COX10: variants seen among roughly 807,000 people sequenced by gnomAD.
The protein encoded by COX10 is cytochrome c oxidase assembly factor heme A:farnesyltransferase COX10, also known as protoheme IX farnesyltransferase, mitochondrial.
A neutral mutation model predicts 37.3 loss-of-function variants in COX10; 27 were observed. The observed-to-expected ratio is 0.72, with a 90% CI of 0.53 to 1.00. The LOEUF (loss-of-function observed/expected upper bound fraction) is 1.00. COX10 is among the 50% of genes least tolerant of loss of function. The pLI, the probability that COX10 is intolerant of heterozygous loss-of-function variation, is 0.00. For synonymous variants in COX10, 222 were observed against 229.1 expected (o/e 0.97, Z 0.28); for missense variants, 475 against 563.2 (o/e 0.84, Z 1.59).
intron 6 of COX10, among the ~76,000 whole-genome samples, chr17:14,198,137 C>T (rs1906423034): frequency 6.6e-6 from 1 of 152,180 alleles, no homozygotes. Context: ...TGGTTTGATT[C>T]TGCACACAGG....
rs183446962 is a variant in COX10 at position 14,085,258 on chromosome 17, C to T, written c.499+8202C>T. Among the ~76,000 whole-genome samples, 9 of 152,246 alleles carry T rather than the reference C, an allele frequency of 5.9e-5. No homozygotes were observed. In the East Asian group the frequency reaches 1.2e-3, roughly 20 times the overall value. On this transcript the variant is annotated intron_variant, in intron 3 of 6. Transcript: ENST00000261643. ...GTTCAAGAAAGGTTAGTTATTATTA[C>T]GTTAGTGCATAGATAGTTTCTATTT...
chr17:14,116,630 T>G (rs1452306180), intron 4 of COX10, among the ~76,000 whole-genome samples: 1 of 146,672 alleles, frequency 6.8e-6, no homozygotes, highest in African/African-American at 2.4e-5. Flanking sequence ...CATCAGGAAA[T>G]TATGCTGATT....
At chr17:14,157,581 G>A (rs1597526744) in intron 4 of COX10, among the ~76,000 whole-genome samples, 1 of 152,194 alleles carries the variant, frequency 6.6e-6, no homozygotes, top group Admixed American at 6.5e-5. Context: ...AGTGGAATAT[G>A]CTGCAGTCGA....
intron 4 of COX10, among the ~76,000 whole-genome samples, chr17:14,106,583 G>A (rs548137619): frequency 2.0e-5 from 3 of 152,284 alleles, no homozygotes; most frequent in Admixed American, 1.3e-4. Flanking sequence ...TGTCTTCCCA[G>A]TCTTTTGTTT....
rs778139579 is a variant in COX10 at position 14,207,043 on chromosome 17, A to T, written c.1162A>T (p.Ile388Phe). The change falls in exon 7 of 7, where the codon ATC becomes TTC. Residue 388 changes from isoleucine (I) to phenylalanine (F), a missense_variant. Physicochemically the swap from Ile to Phe is conservative, Grantham distance 21 (BLOSUM62 0). Transcript: ENST00000261643. Reference protein sequence around the residue: ...TWTFPIMALPINAYISYLGFR... With the variant: ...TWTFPIMALPFNAYISYLGFR... ...GACCTTCCCCATCATGGCCCTTCCC[A>T]TCAATGCGTACATCTCCTACCTCGG... The T allele has an allele frequency of 6.2e-7, 1 of 1,614,004 alleles. No homozygotes were observed. Among genetic ancestry groups the T allele is most frequent in the Admixed American group, 1.7e-5 (1 of 60,014 alleles).
At chr17:14,202,873 C>A (rs1194179756) in intron 6 of COX10, among the ~76,000 whole-genome samples, 1 of 152,140 alleles carries the variant, frequency 6.6e-6, no homozygotes, top group African/African-American at 2.4e-5. Flanking sequence ...GTCTCAGAGG[C>A]CTACTGGGAC....
intron 5 of COX10, among the ~76,000 whole-genome samples, chr17:14,173,634 G>A (rs551544037): frequency 3.3e-5 from 5 of 152,284 alleles, no homozygotes; most frequent in South Asian, 2.1e-4. Context: ...GAAAATGTAC[G>A]GACCAGACTA....
intron 4 of COX10, among the ~76,000 whole-genome samples, chr17:14,144,224 G>A (rs1009358347): frequency 1.3e-4 from 20 of 151,922 alleles, no homozygotes; most frequent in African/African-American, 4.6e-4. Context: ...TTCTTTTTGA[G>A]TACATCATTT....
intron 4 of COX10, among the ~76,000 whole-genome samples, chr17:14,156,461 C>T (rs1019465765): frequency 2.0e-5 from 3 of 152,190 alleles, no homozygotes; most frequent in African/African-American, 7.2e-5. Flanking sequence ...ATCTCCTGAA[C>T]TCGTGATCCG....
chr17:14,204,838 A>C (rs544290376), intron 6 of COX10, among the ~76,000 whole-genome samples: 1 of 152,182 alleles, frequency 6.6e-6, no homozygotes, highest in Non-Finnish European at 1.5e-5. Flanking sequence ...GCAGTGGCTC[A>C]TGCCTGTAAT....
intron 3 of COX10, among the ~76,000 whole-genome samples, chr17:14,084,690 C>A (rs1216443588): frequency 6.6e-6 from 1 of 151,958 alleles, no homozygotes; most frequent in Non-Finnish European, 1.5e-5. Context: ...AGAAAAATTT[C>A]GCTCTTGTCA....
At chr17:14,111,194 C>G (rs7213412) in intron 4 of COX10, among the ~76,000 whole-genome samples, 42,982 of 151,978 alleles carry the variant, frequency 0.28, 7,198 homozygotes, top group East Asian at 0.42. Context: ...ATTTTCATGA[C>G]CACCCATTTC....
chr17:14,100,012 A>G (rs1258688110), intron 3 of COX10, among the ~76,000 whole-genome samples: 1 of 151,612 alleles, frequency 6.6e-6, no homozygotes, highest in African/African-American at 2.4e-5. Flanking sequence ...TTATCTTCCT[A>G]CCTCTCCCAG....
intron 6 of COX10, among the ~76,000 whole-genome samples, chr17:14,199,999 G>A (rs944293479): frequency 6.6e-6 from 1 of 152,114 alleles, no homozygotes; most frequent in Non-Finnish European, 1.5e-5. Context: ...TACTGGCGAG[G>A]GAAGACCTCC....
chr17:14,141,667 G>A (rs912427216), intron 4 of COX10, among the ~76,000 whole-genome samples: 2 of 151,676 alleles, frequency 1.3e-5, no homozygotes, highest in Non-Finnish European at 1.5e-5. Context: ...AGATGATTTA[G>A]CATTACAGAC....
At position 14,202,605 on chromosome 17, in the gene COX10, A is replaced by T. The variant is rs1906577163; in HGVS notation, c.929-4205A>T. Among the ~76,000 whole-genome samples, 3 of 152,108 alleles carry T rather than the reference A, an allele frequency of 2.0e-5. No homozygotes were observed. The South Asian group carries it at 6.2e-4, about 32-fold the overall frequency. On this transcript the variant is annotated intron_variant, in intron 6 of 6. Transcript: ENST00000261643. ...GGCACGTAAAAGCCACAGGCATTTC[A>T]ACTGAGATGTCTGTTATGTACCTGA...
At chr17:14,172,231 A>G (rs990200791) in intron 5 of COX10, among the ~76,000 whole-genome samples, 3 of 152,092 alleles carry the variant, frequency 2.0e-5, no homozygotes, top group Non-Finnish European at 2.9e-5. Context: ...GAGTACAGGT[A>G]TCTTTTTGAT....
chr17:14,173,409 A>G (rs1905545723), intron 5 of COX10, among the ~76,000 whole-genome samples: 1 of 152,276 alleles, frequency 6.6e-6, no homozygotes, highest in African/African-American at 2.4e-5. Flanking sequence ...GAACATCAAG[A>G]TAGAGAGACA....
chr17:14,141,478 T>C (rs2142226054), intron 4 of COX10, among the ~76,000 whole-genome samples: 1 of 134,514 alleles, frequency 7.4e-6, no homozygotes, highest in Middle Eastern at 5.2e-3. Context: ...TGCAGTGAGC[T>C]GAGATGGTGC....
Sources: gnomAD v4.1 joint callset for allele counts (sites outside exome capture counted in the v4.1 genomes callset) on GRCh38, gnomAD v4.1.1 for gene constraint, MANE v1.5 for transcripts, NCBI Gene and HGNC (gene_info 2026-07-23, HGNC 2026-07-21) for gene names.